COL24A1: variants seen among roughly 807,000 people sequenced by gnomAD.
COL24A1 encodes collagen alpha-1(XXIV) chain.
In COL24A1, 224 loss-of-function variants were observed where a neutral mutation model predicts 253.9. The ratio of observed to expected loss-of-function variants is 0.88; its 90% CI spans 0.79 to 0.99. The LOEUF (loss-of-function observed/expected upper bound fraction) is 0.99. Ranked by LOEUF, COL24A1 falls within the 50% of genes least tolerant of loss-of-function variation. COL24A1 has a pLI of 0.00. For synonymous variants in COL24A1, 685 were observed against 673.7 expected (o/e 1.02, Z -0.26); for missense variants, 2,131 against 2,068.5 (o/e 1.03, Z -0.59).
chr1:86,112,911 T>C lies in COL24A1; in HGVS notation c.1546-291A>G, dbSNP rs1316908308. 8.5e-5 allele frequency among the ~76,000 whole-genome samples: 13 copies of C among 152,218 alleles called. No homozygotes were observed. In the East Asian group the frequency reaches 2.3e-3, roughly 27 times the overall value. ...CATGTAAAATTCATTTACCAATTAA[T>C]TGTATATTGCCTCAGGACATTTCTT... On this transcript the variant is annotated intron_variant, in intron 4 of 59. Transcript: ENST00000370571.
At chr1:86,110,316 C>G (rs900725846) in intron 5 of COL24A1, among the ~76,000 whole-genome samples, 12 of 151,188 alleles carry the variant, frequency 7.9e-5, no homozygotes, top group Admixed American at 2.0e-4. Flanking sequence ...AGGTAACCAA[C>G]CTGTGTACCT....
Position 85,790,056 on chromosome 1 carries a change from T to C in COL24A1, c.3952-3595A>G, listed in dbSNP as rs892692324. Among the ~76,000 whole-genome samples the C allele has an allele frequency of 7.7e-4, 118 of 152,342 alleles. 2 individuals carry two copies. Among genetic ancestry groups the C allele is most frequent in the African/African-American group, 2.7e-3 (114 of 41,582 alleles). ...GCAGGTTTTGGTATCAGGATGATGCTGGCCTCATAAAATGAGTTAGGGAGG... is the reference window on the plus strand; with the variant it reads ...GCAGGTTTTGGTATCAGGATGATGCCGGCCTCATAAAATGAGTTAGGGAGG... On this transcript the variant is annotated intron_variant, in intron 47 of 59. Transcript: ENST00000370571.
intron 23 of COL24A1, 127 bp from the exon 24 acceptor site, chr1:85,961,420 A>C (rs1691052500): frequency 1.4e-6 from 1 of 730,152 alleles, no homozygotes; most frequent in Admixed American, 2.8e-5. Flanking sequence ...AGGAAATTTC[A>C]GTTACTTAAA....
intron 19 of COL24A1, among the ~76,000 whole-genome samples, chr1:85,992,422 A>T (rs1019560078): frequency 8.5e-5 from 13 of 152,310 alleles, no homozygotes; most frequent in Middle Eastern, 3.4e-3. Flanking sequence ...CCAAGTAGAG[A>T]CCTTGCCTTT....
At chr1:85,802,786 TAC>T (rs1227997263) in intron 47 of COL24A1, among the ~76,000 whole-genome samples, 1 of 152,202 alleles carries the variant, frequency 6.6e-6, no homozygotes, top group Non-Finnish European at 1.5e-5. Flanking sequence ...TTTTTATCAT[TAC>T]AGATTATTTT....
At chr1:86,133,363 C>T (rs1649625893) in intron 2 of COL24A1, among the ~76,000 whole-genome samples, 1 of 152,132 alleles carries the variant, frequency 6.6e-6, no homozygotes, top group Non-Finnish European at 1.5e-5. Context: ...TGCATGATTG[C>T]CCTGGCCAGA....
At chr1:85,736,514 G>T (rs1251075199) in intron 58 of COL24A1, 1 of 455,882 alleles carries the variant, frequency 2.2e-6, no homozygotes, top group Non-Finnish European at 4.4e-6. Flanking sequence ...CCTAGGAATG[G>T]AAGGATCCTT....
chr1:86,003,923 T>G (rs1160338685), intron 19 of COL24A1, among the ~76,000 whole-genome samples: 1 of 152,140 alleles, frequency 6.6e-6, no homozygotes, highest in South Asian at 2.1e-4. Flanking sequence ...AAAAACCAAG[T>G]AGACAAAATG....
chr1:85,969,381 G>C (rs977802101), intron 22 of COL24A1, among the ~76,000 whole-genome samples: 2 of 151,796 alleles, frequency 1.3e-5, no homozygotes, highest in African/African-American at 4.8e-5. Flanking sequence ...GAGGTGGGTG[G>C]ATCACCTGAG....
chr1:85,839,000 G>T (rs313699), intron 42 of COL24A1, among the ~76,000 whole-genome samples: 45,327 of 151,994 alleles, frequency 0.3, 8,087 homozygotes, highest in East Asian at 0.45. Context: ...AGGAGTTCGA[G>T]ACCAGCCTGG....
intron 7 of COL24A1, among the ~76,000 whole-genome samples, chr1:86,074,473 T>G (rs1464241799): frequency 6.6e-6 from 1 of 152,182 alleles, no homozygotes; most frequent in Admixed American, 6.5e-5. Flanking sequence ...CTTAGAGATC[T>G]ACAAAGAGAC....
chr1:85,832,944 C>G (rs1388234067), intron 43 of COL24A1, among the ~76,000 whole-genome samples: 1 of 151,430 alleles, frequency 6.6e-6, no homozygotes, highest in Non-Finnish European at 1.5e-5. Context: ...ATTGCCCTGG[C>G]CAGAACTTCC....
chr1:86,109,001 A>G (rs1273172338), intron 5 of COL24A1, among the ~76,000 whole-genome samples: 2 of 152,216 alleles, frequency 1.3e-5, no homozygotes, highest in Non-Finnish European at 2.9e-5. Flanking sequence ...GGGGAGAAGA[A>G]TAAAAGCCAT....
chr1:85,735,008 A>G (rs961667785), intron 58 of COL24A1, 44 bp from the exon 59 acceptor site: 5 of 1,582,406 alleles, frequency 3.2e-6, no homozygotes, highest in Non-Finnish European at 4.3e-6. Flanking sequence ...ATGGCAATTG[A>G]GAAACTTAAC....
In COL24A1 at chr1:86,125,542, G is replaced by A. The variant is rs755961379; in HGVS notation, c.794C>T (p.Pro265Leu). Reference sequence around the variant, plus strand: ...TAGTTTGGGCGGGGGAGAGTGTTCCGGTATCTTTGTTGGTATGAGAGTTGT... The same window carrying A: ...TAGTTTGGGCGGGGGAGAGTGTTCCAGTATCTTTGTTGGTATGAGAGTTGT... ...PCTTLIPTKI[P>L]EHSPPPKLFA... Residue 265 changes from proline to leucine, a missense_variant, in exon 3 of 60, where the codon CCG (proline) becomes CTG (leucine). Coordinates refer to ENST00000370571, the MANE Select transcript of COL24A1 (RefSeq NM_152890.7). 9.3e-6 allele frequency: 15 copies of A among 1,613,348 alleles called. No individual in the cohort carries two copies. The highest frequency in any genetic ancestry group is 2.2e-5 in the East Asian group (1 of 44,854).
chr1:85,764,801 G>T, intron 53 of COL24A1, among the ~76,000 whole-genome samples: 1 of 151,848 alleles, frequency 6.6e-6, no homozygotes, highest in South Asian at 2.1e-4. Flanking sequence ...CTTTAAAGAC[G>T]GGAGTCTTGC....
chr1:85,976,159 A>G (rs146052851), intron 20 of COL24A1, among the ~76,000 whole-genome samples: 1 of 152,336 alleles, frequency 6.6e-6, no homozygotes, highest in African/African-American at 2.4e-5. Context: ...AGAGTAGCAC[A>G]GGAGCCAAGG....
intron 24 of COL24A1, among the ~76,000 whole-genome samples, chr1:85,953,527 T>C (rs1488168468): frequency 6.6e-6 from 1 of 152,242 alleles, no homozygotes. Context: ...AGATCAAGTC[T>C]TACTTTACTG....
At chr1:85,748,771 C>G (rs552630477) in intron 55 of COL24A1, among the ~76,000 whole-genome samples, 1 of 120,242 alleles carries the variant, frequency 8.3e-6, no homozygotes, top group Non-Finnish European at 1.8e-5. Flanking sequence ...AAAGGGGTGA[C>G]GGACGCACCT....
Sources: allele counts gnomAD v4.1 joint callset (sites outside exome capture counted in the v4.1 genomes callset), GRCh38; gene constraint gnomAD v4.1.1; transcripts MANE v1.5; gene names NCBI Gene and HGNC (gene_info 2026-07-23, HGNC 2026-07-21).